Variants in LRRC37A2 observed in about 807,000 individuals in gnomAD.
LRRC37A2 encodes the protein leucine rich repeat containing 37 member A2, also known as leucine-rich repeat-containing protein 37A2.
LRRC37A2 carries 9 observed loss-of-function variants against 68.8 expected under a neutral mutation model. The ratio of observed to expected loss-of-function variants is 0.13; its 90% CI spans 0.08 to 0.23. The LOEUF (loss-of-function observed/expected upper bound fraction) is 0.23. LRRC37A2 is among the 10% of genes least tolerant of loss of function. The probability of loss-of-function intolerance (pLI) is 1.00; values close to 1 mark genes in which losing one functional copy is unlikely to be tolerated. For missense variants in LRRC37A2, 168 were observed against 950.4 expected (o/e 0.18, Z 10.82); for synonymous variants, 63 against 367.6 (o/e 0.17, Z 9.48).
the LRRC37A2 span, among the ~76,000 whole-genome samples, chr17:46,914,773 A>C: frequency 6.6e-6 from 1 of 151,558 alleles, no homozygotes; most frequent in African/African-American, 2.4e-5. Flanking sequence ...ACTTTATCTC[A>C]CTGCCTGCCA....
At chr17:46,926,617 G>A in the LRRC37A2 span, among the ~76,000 whole-genome samples, 1 of 152,166 alleles carries the variant, frequency 6.6e-6, no homozygotes, top group African/African-American at 2.4e-5. Flanking sequence ...GTTTCTTATG[G>A]ACTTCCAGTG....
the LRRC37A2 span, among the ~76,000 whole-genome samples, chr17:46,952,356 G>A: frequency 6.6e-6 from 1 of 152,142 alleles, no homozygotes; most frequent in African/African-American, 2.4e-5. Flanking sequence ...GCGGTGGGCC[G>A]ATCAGAATCT....
chr17:46,534,813 G>C (rs935632237), intron 6 of LRRC37A2, among the ~76,000 whole-genome samples: 4 of 147,528 alleles, frequency 2.7e-5, no homozygotes, highest in African/African-American at 1.1e-4. Context: ...GGGGCGGCTG[G>C]CCAGGCGGGG....
the LRRC37A2 span, among the ~76,000 whole-genome samples, chr17:46,951,993 A>G: frequency 1.3e-5 from 2 of 152,154 alleles, no homozygotes; most frequent in South Asian, 4.1e-4. Flanking sequence ...CAGAGTGGCT[A>G]TATTTGGTTC....
At chr17:46,872,586 G>C in the LRRC37A2 span, 7 of 1,610,010 alleles carry the variant, frequency 4.3e-6, no homozygotes, top group East Asian at 1.6e-4. Flanking sequence ...CACAGGGCGG[G>C]GCCCACCTGA....
At chr17:47,012,841 T>C in the LRRC37A2 span, among the ~76,000 whole-genome samples, 1 of 152,220 alleles carries the variant, frequency 6.6e-6, no homozygotes, top group African/African-American at 2.4e-5. Flanking sequence ...AACCTAGGGT[T>C]ACCCCATGAC....
At chr17:46,798,337 G>T in the LRRC37A2 span, among the ~76,000 whole-genome samples, 1 of 152,180 alleles carries the variant, frequency 6.6e-6, no homozygotes, top group Admixed American at 6.5e-5. Flanking sequence ...TGGACACGAC[G>T]GCCTAGTCAC....
chr17:46,926,695 C>A, the LRRC37A2 span, among the ~76,000 whole-genome samples: 1 of 152,186 alleles, frequency 6.6e-6, no homozygotes, highest in Admixed American at 6.5e-5. Context: ...TTAGTAGTTC[C>A]CACCTTGCCA....
chr17:47,040,094 A>G, the LRRC37A2 span, among the ~76,000 whole-genome samples: 2 of 151,732 alleles, frequency 1.3e-5, no homozygotes, highest in Non-Finnish European at 2.9e-5. Flanking sequence ...TCTCTAGTCT[A>G]CAGAACTGAA....
the LRRC37A2 span, among the ~76,000 whole-genome samples, chr17:46,893,133 C>T: frequency 2.0e-5 from 3 of 152,118 alleles, no homozygotes; most frequent in Non-Finnish European, 4.4e-5. Flanking sequence ...GGGTTTTCAC[C>T]ATGTTGGCGG....
At chr17:46,790,874 G>A in the LRRC37A2 span, among the ~76,000 whole-genome samples, 7 of 152,190 alleles carry the variant, frequency 4.6e-5, no homozygotes, top group African/African-American at 1.4e-4. Context: ...CACGTACATC[G>A]GAAAAGGACA....
the LRRC37A2 span, among the ~76,000 whole-genome samples, chr17:46,817,448 G>T: frequency 6.6e-6 from 1 of 152,218 alleles, no homozygotes; most frequent in Non-Finnish European, 1.5e-5. Context: ...AATGTAGGGG[G>T]CTGGAGACTG....
the LRRC37A2 span, among the ~76,000 whole-genome samples, chr17:46,377,506 A>G: frequency 3.7e-4 from 12 of 32,310 alleles, no homozygotes; most frequent in Admixed American, 2.7e-3. Flanking sequence ...ACATGAGTCC[A>G]ATGTATTAAG....
chr17:46,745,404 T>G, the LRRC37A2 span, among the ~76,000 whole-genome samples: 63 of 152,304 alleles, frequency 4.1e-4, no homozygotes, highest in South Asian at 0.012. Flanking sequence ...TCTTTGCAGT[T>G]TTTGGAGTCT....
At chr17:46,906,398 G>C in the LRRC37A2 span, among the ~76,000 whole-genome samples, 3 of 152,190 alleles carry the variant, frequency 2.0e-5, no homozygotes, top group African/African-American at 7.2e-5. Flanking sequence ...GGAAGGTGGG[G>C]AATAAATTTT....
At chr17:46,998,494 T>C in the LRRC37A2 span, among the ~76,000 whole-genome samples, 1 of 152,114 alleles carries the variant, frequency 6.6e-6, no homozygotes, top group African/African-American at 2.4e-5. Flanking sequence ...CACAAGAGTA[T>C]AAAATGGGCA....
chr17:46,993,073 AT>A, the LRRC37A2 span, among the ~76,000 whole-genome samples: 114,130 of 149,422 alleles, frequency 0.76, 43,996 homozygotes, highest in Middle Eastern at 0.85. Flanking sequence ...AGAGATTTTG[AT>A]TTTTTTTTTT....
chr17:47,031,206 G>C, the LRRC37A2 span, among the ~76,000 whole-genome samples: 262 of 148,902 alleles, frequency 1.8e-3, 18 homozygotes, highest in Non-Finnish European at 3.0e-3. Context: ...CAGGCCAAGA[G>C]CTTATTCGTG....
the LRRC37A2 span, among the ~76,000 whole-genome samples, chr17:46,844,902 CA>C: frequency 1.3e-5 from 2 of 151,912 alleles, no homozygotes; most frequent in African/African-American, 2.4e-5. Context: ...GGCTGGAGTG[CA>C]ATGGTGGGAT....
Sources: allele counts gnomAD v4.1 joint callset (sites outside exome capture counted in the v4.1 genomes callset), GRCh38; gene constraint gnomAD v4.1.1; transcripts MANE v1.5; gene names NCBI Gene and HGNC (gene_info 2026-07-23, HGNC 2026-07-21).